The following CRIM1 variants were observed in gnomAD, a reference collection of about 807,000 sequenced individuals.
CRIM1 encodes cysteine rich transmembrane BMP regulator 1, also known as cysteine-rich motor neuron 1 protein.
A neutral mutation model predicts 116.4 loss-of-function variants in CRIM1; 32 were observed. The ratio of observed to expected loss-of-function variants is 0.27; its 90% CI spans 0.21 to 0.37. The LOEUF is 0.37. Ranked by LOEUF, CRIM1 falls within the 10% of genes least tolerant of loss-of-function variation. CRIM1 has a pLI of 1.00. For synonymous variants in CRIM1, 590 were observed against 509.2 expected (o/e 1.16, Z -2.13); for missense variants, 1,331 against 1,354.8 (o/e 0.98, Z 0.28).
At chr2:36,539,286 G>A (rs1041467009) in intron 14 of CRIM1, among the ~76,000 whole-genome samples, 4 of 152,198 alleles carry the variant, frequency 2.6e-5, no homozygotes, top group East Asian at 1.9e-4. Flanking sequence ...TATAGCCAGC[G>A]CCAAGGCCCT....
intron 5 of CRIM1, among the ~76,000 whole-genome samples, 164 bp downstream of exon 5, chr2:36,464,819 G>T (rs946384057): frequency 2.6e-5 from 4 of 152,194 alleles, no homozygotes; most frequent in African/African-American, 7.2e-5. Flanking sequence ...GTGCAGTAAA[G>T]AAAGTTAGGT....
At chr2:36,378,110 A>G (rs1335819708) in intron 1 of CRIM1, among the ~76,000 whole-genome samples, 7 of 152,242 alleles carry the variant, frequency 4.6e-5, no homozygotes, top group Middle Eastern at 3.2e-3. Context: ...CTTACTCTGC[A>G]TTGTAACGTA....
chr2:36,406,198 G>A (rs972838502), intron 2 of CRIM1, among the ~76,000 whole-genome samples: 1 of 152,134 alleles, frequency 6.6e-6, no homozygotes, highest in Non-Finnish European at 1.5e-5. Context: ...TACTATGAGA[G>A]TATTATATAG....
At position 36,509,960 on chromosome 2, in the gene CRIM1, A is replaced by G. The variant is rs756341111; in HGVS notation, c.1502-23A>G. On this transcript the variant is annotated intron_variant, in intron 8 of 16. Coordinates refer to ENST00000280527, the MANE Select transcript of CRIM1 (RefSeq NM_016441.3). ...TGCTCTGTTCATCTTTGGAAGAAAC[A>G]TGCCGTCTCTGTGTCTTCACAGCCG... The G allele has an allele frequency of 2.5e-6, 4 of 1,608,750 alleles. No homozygotes were observed. The South Asian group carries it at 3.3e-5, about 13-fold the overall frequency.
intron 5 of CRIM1, among the ~76,000 whole-genome samples, chr2:36,464,985 C>A (rs988962310): frequency 2.0e-5 from 3 of 152,188 alleles, no homozygotes; most frequent in African/African-American, 7.2e-5. Context: ...TGCTGTCACT[C>A]AGTAACTGGT....
intron 1 of CRIM1, among the ~76,000 whole-genome samples, chr2:36,360,025 C>T (rs1188685117): frequency 2.0e-5 from 3 of 152,190 alleles, no homozygotes; most frequent in African/African-American, 7.2e-5. Context: ...GGATGGAAGA[C>T]ATCTTTGGAG....
intron 1 of CRIM1, among the ~76,000 whole-genome samples, chr2:36,391,404 A>T (rs550650494): frequency 1.3e-5 from 2 of 152,142 alleles, no homozygotes; most frequent in South Asian, 2.1e-4. Context: ...CTGAGATTAC[A>T]AGCGTGAGCC....
intron 2 of CRIM1, among the ~76,000 whole-genome samples, chr2:36,432,602 G>A (rs968962765): frequency 6.6e-6 from 1 of 152,088 alleles, no homozygotes; most frequent in African/African-American, 2.4e-5. Flanking sequence ...AAGCCACTCT[G>A]AACTTTTTTC....
At chr2:36,385,984 T>C (rs1671138501) in intron 1 of CRIM1, among the ~76,000 whole-genome samples, 1 of 152,206 alleles carries the variant, frequency 6.6e-6, no homozygotes. Context: ...GAAAAATGTA[T>C]ATCCTTCACA....
intron 12 of CRIM1, among the ~76,000 whole-genome samples, chr2:36,521,042 T>C (rs1665354559): frequency 6.6e-6 from 1 of 152,216 alleles, no homozygotes; most frequent in Non-Finnish European, 1.5e-5. Context: ...AGTGCTCTCT[T>C]ATCAGTTGGA....
At chr2:36,414,535 T>C (rs1020698969) in intron 2 of CRIM1, among the ~76,000 whole-genome samples, 2 of 151,978 alleles carry the variant, frequency 1.3e-5, no homozygotes, top group African/African-American at 4.8e-5. Flanking sequence ...GTGGCAAAAA[T>C]AAAATTATGT....
rs985059663 is a variant in CRIM1, at chr2:36,464,421, G to C, written c.870-113G>C. On this transcript the variant is annotated intron_variant, in intron 4 of 16. Coordinates refer to ENST00000280527, the MANE Select transcript of CRIM1 (RefSeq NM_016441.3). ...CCAGTGACACCAGATAAAGGAGGCA[G>C]TGTCGTATAGACCAGGTACTTTGCC... 10 of 1,062,448 alleles carry C rather than the reference G, an allele frequency of 9.4e-6. No individual in the cohort carries two copies. The African/African-American group carries it at 1.3e-4, about 13-fold the overall frequency. The allele number at this position is 1,062,448 out of a possible 1,614,324, so 65.8% of individuals were successfully genotyped here.
At chr2:36,390,033 C>G (rs929834003) in intron 1 of CRIM1, among the ~76,000 whole-genome samples, 9 of 152,082 alleles carry the variant, frequency 5.9e-5, no homozygotes, top group African/African-American at 2.2e-4. Flanking sequence ...AAACTTCTCT[C>G]CAACTAGCCT....
chr2:36,423,969 C>T (rs1674264505), intron 2 of CRIM1, among the ~76,000 whole-genome samples: 2 of 151,730 alleles, frequency 1.3e-5, no homozygotes, highest in East Asian at 1.9e-4. Context: ...CAGACAGGTA[C>T]GTAGGTAGGT....
At chr2:36,510,355 C>T (rs537181703) in intron 9 of CRIM1, among the ~76,000 whole-genome samples, 16 of 152,178 alleles carry the variant, frequency 1.1e-4, no homozygotes, top group South Asian at 1.0e-3. Flanking sequence ...TGGACATGGG[C>T]CAGACACACC....
intron 7 of CRIM1, among the ~76,000 whole-genome samples, chr2:36,496,199 T>G (rs1680581086): frequency 6.6e-6 from 1 of 152,206 alleles, no homozygotes; most frequent in Admixed American, 6.6e-5. Context: ...TGAGATGTAT[T>G]TGTTAAATGT....
At chr2:36,486,420 ACT>A (rs1679821294) in intron 7 of CRIM1, among the ~76,000 whole-genome samples, 3 of 152,082 alleles carry the variant, frequency 2.0e-5, no homozygotes, top group Non-Finnish European at 4.4e-5. Flanking sequence ...TTTGAGTAAG[ACT>A]GTCATACTGA....
At chr2:36,361,731 G>A (rs1235571272) in intron 1 of CRIM1, among the ~76,000 whole-genome samples, 8 of 152,164 alleles carry the variant, frequency 5.3e-5, no homozygotes, top group Admixed American at 5.2e-4. Context: ...GCTTTAGCCT[G>A]TAAATACAAG....
intron 1 of CRIM1, among the ~76,000 whole-genome samples, chr2:36,375,332 A>G (rs1020772957): frequency 3.9e-5 from 6 of 152,206 alleles, no homozygotes; most frequent in African/African-American, 1.2e-4. Flanking sequence ...TTGTATTATT[A>G]TTGACTCATA....
Sources: gnomAD v4.1 joint callset for allele counts (sites outside exome capture counted in the v4.1 genomes callset) on GRCh38, gnomAD v4.1.1 for gene constraint, MANE v1.5 for transcripts, NCBI Gene and HGNC (gene_info 2026-07-23, HGNC 2026-07-21) for gene names.